PROKR2: variants seen among roughly 807,000 people sequenced by gnomAD.
The protein encoded by PROKR2 is prokineticin receptor 2.
Under a neutral mutation model 23.4 loss-of-function variants are expected in PROKR2, and 26 were observed. That is an observed-to-expected ratio of 1.11 (90% CI 0.81 to 1.54). The LOEUF (loss-of-function observed/expected upper bound fraction) is 1.54, where lower values mean the gene tolerates loss of function less well. Among genes scored for constraint, PROKR2 ranks in the 40% most tolerant of loss-of-function variants. The pLI is 0.00. For missense variants in PROKR2, 453 were observed against 511.5 expected, an observed-to-expected ratio of 0.89 and a Z score of 1.10; for synonymous variants, 212 against 201.2, an observed-to-expected ratio of 1.05 and a Z score of -0.45.
At chr20:5,313,761 A>T in intron 2 of PROKR2, 151 bp downstream of exon 2, 1 of 714,734 alleles carries the variant, frequency 1.4e-6, no homozygotes, top group Non-Finnish European at 2.4e-6. Flanking sequence ...CATCTGGGGG[A>T]ACAGAACTCA....
chr20:5,302,606 G>C lies in PROKR2; in HGVS notation c.589C>G (p.Leu197Val). 1 of 1,614,184 alleles carries C rather than the reference G, an allele frequency of 6.2e-7. No homozygotes were observed. Among genetic ancestry groups the C allele is most frequent in the South Asian group, 1.1e-5 (1 of 91,082 alleles). Reference protein sequence around the residue: ...PSAYFATETVLFIVKSQEKIF... With the variant: ...PSAYFATETVVFIVKSQEKIF... ...TTCTCCTGGCTCTTGACAATAAAGA[G>C]GACCGTTTCTGTTGCAAAGTAAGCC... Residue 197 changes from leucine to valine, a missense_variant, in exon 3 of 3, where the codon CTC (leucine) becomes GTC (valine). Coordinates refer to ENST00000678254, the MANE Select transcript of PROKR2 (RefSeq NM_144773.4).
At position 5,313,994 on chromosome 20, in the gene PROKR2, C is replaced by G. The variant is rs200048973; in HGVS notation, c.376G>C (p.Val126Leu). Residue 126 changes from valine (V) to leucine (L), a missense_variant, in exon 2 of 3, where the codon GTG becomes CTG. Transcript: ENST00000678254. ...AGGTAGTTGACGGAGGCACAGAGCA[C>G]GTGGCCATGCTCCCAGGAGAGCTGC... ...VRQLSWEHGH[V>L]LCASVNYLRT... is the part of the protein sequence containing the mutation. 1.2e-6 allele frequency: 2 copies of G among 1,614,194 alleles called. No individual in the cohort carries two copies. The highest frequency in any genetic ancestry group is 1.7e-6 in the Non-Finnish European group (2 of 1,180,034).
rs149231214 is a variant in PROKR2, at chr20:5,313,756, G to C, written c.458+156C>G. ...AGCAGCCCCAGTCTTGCTCACATCT[G>C]GGGGAACAGAACTCAACTGGAGAAA... is the stretch of plus-strand genomic sequence containing the variant. On this transcript the variant is annotated intron_variant, in intron 2 of 2. Transcript: ENST00000678254. Among the ~76,000 whole-genome samples, 25 of 152,352 alleles carry C rather than the reference G, an allele frequency of 1.6e-4. 1 individual carries two copies. In the East Asian group the frequency reaches 3.3e-3, roughly 20 times the overall value.
intron 2 of PROKR2, 46 bp downstream of exon 2, chr20:5,313,866 G>A: frequency 1.3e-6 from 2 of 1,512,710 alleles, no homozygotes; most frequent in South Asian, 1.1e-5. Context: ...TGAGGAAAGA[G>A]ACAGCCTGGC....
rs1978966216 is a variant in PROKR2, at chr20:5,301,091, G to A, written c.*949C>T. Among the ~76,000 whole-genome samples, 1 of 152,188 alleles carries A rather than the reference G, an allele frequency of 6.6e-6. No homozygotes were observed. The highest frequency in any genetic ancestry group is 2.1e-4 in the South Asian group (1 of 4,832). On this transcript the variant is annotated 3_prime_UTR_variant, in exon 3 of 3. Transcript: ENST00000678254. ...CCCTGGGAGGCAGTAGGAGGTGGGT[G>A]GGAAAGTTCAGTATGATGGCTGTAA...
In PROKR2 at chr20:5,302,429, G is replaced by A. The variant is rs1417178145; in HGVS notation, c.766C>T (p.Pro256Ser). 1 of 1,614,192 alleles carries A rather than the reference G, an allele frequency of 6.2e-7. No homozygotes were observed. Among genetic ancestry groups the A allele is most frequent in the Admixed American group, 1.7e-5 (1 of 60,028 alleles). ...CGAATCTGCTCCGTCTGGAACCCAG[G>A]GACTGCCTTGAACCAGAGCTCCCGG... ...ISRELWFKAV[P>S]GFQTEQIRKR... Residue 256 changes from proline to serine, a missense_variant, in exon 3 of 3, where the codon CCT becomes TCT. Transcript: ENST00000678254.
At position 5,302,152 on chromosome 20, in the gene PROKR2, A is replaced by G; in HGVS notation, c.1043T>C (p.Met348Thr). The G allele has an allele frequency of 2.5e-6, 4 of 1,614,236 alleles. No individual in the cohort carries two copies. In the South Asian group the frequency reaches 4.4e-5, roughly 18 times the overall value. Residue 348 changes from methionine (M) to threonine (T), a missense_variant, in exon 3 of 3, where the codon ATG becomes ACG. Transcript: ENST00000678254. ...CTGGGAGGGACGCCAGTGCAGCAGC[A>G]TCATCTTCTTGAAGTACTTCATGGT... is the stretch of plus-strand genomic sequence containing the variant. ...NNTMKYFKKMMLLHWRPSQRG... is the reference protein window; with the variant it reads ...NNTMKYFKKMTLLHWRPSQRG...
At position 5,302,246 on chromosome 20, in the gene PROKR2, C is replaced by A. The variant is rs778739474; in HGVS notation, c.949G>T (p.Val317Leu). The change falls in exon 3 of 3, where the codon GTG becomes TTG. Residue 317 changes from valine to leucine, a missense_variant. By Grantham distance (32) the Val-to-Leu change is conservative. Transcript: ENST00000678254. ...KEKHYLTAFY[V>L]VECIAMSNSM... ...TTGCTCATGGCGATGCACTCGACCACGTAGAAGGCAGTGAGGTAGTGCTTT... is the reference window on the plus strand; with the variant it reads ...TTGCTCATGGCGATGCACTCGACCAAGTAGAAGGCAGTGAGGTAGTGCTTT... 1 of 1,614,200 alleles carries A rather than the reference C, an allele frequency of 6.2e-7. No individual in the cohort carries two copies. Among genetic ancestry groups the A allele is most frequent in the Non-Finnish European group, 8.5e-7 (1 of 1,180,038 alleles).
rs965889897 is a variant in PROKR2, at chr20:5,316,827, C to G, written c.-342G>C. ...GCCAAGGGTGGATGCCCAGCTCCCC[C>G]ACCCCACCGCGTGCTCTCGGGCTGG... On this transcript the variant is annotated 5_prime_UTR_variant, in exon 1 of 3. Coordinates refer to ENST00000678254, the MANE Select transcript of PROKR2 (RefSeq NM_144773.4). This position sits in a 1 kb window ranked among gnomAD's most constrained non-coding sequence, Gnocchi z 5.0. 6.6e-6 allele frequency among the ~76,000 whole-genome samples: 1 copy of G among 152,246 alleles called. No homozygotes were observed. Among genetic ancestry groups the G allele is most frequent in the African/African-American group, 2.4e-5 (1 of 41,470 alleles).
chr20:5,302,520 G>C lies in PROKR2; in HGVS notation c.675C>G (p.Leu225=), dbSNP rs777259480. Residue 225 remains leucine, a synonymous_variant, in exon 3 of 3, where the codon CTC becomes CTG. Transcript: ENST00000678254. ...DQQLYYKSYF[L]FIFGVEFVGP... Reference sequence around the variant, plus strand: ...CCACGAACTCGACACCAAAGATGAAGAGGAAGTAGGACTTGTAGTAGAGCT... The same window carrying C: ...CCACGAACTCGACACCAAAGATGAACAGGAAGTAGGACTTGTAGTAGAGCT... 1.5e-5 allele frequency: 24 copies of C among 1,614,098 alleles called. No homozygotes were observed. The Admixed American group carries it at 4.0e-4, about 27-fold the overall frequency.
chr20:5,302,402 T>C lies in PROKR2; in HGVS notation c.793A>G (p.Lys265Glu). The change falls in exon 3 of 3, where the codon AAG (lysine) becomes GAG (glutamate). Residue 265 changes from lysine to glutamate, a missense_variant. Transcript: ENST00000678254. ...GTCTTCCTGCGGCAGCGCAGCCGCT[T>C]GCGAATCTGCTCCGTCTGGAACCCA... ...VPGFQTEQIR[K>E]RLRCRRKTVL... is the part of the protein sequence containing the mutation. 1 of 1,614,202 alleles carries C rather than the reference T, an allele frequency of 6.2e-7. No individual in the cohort carries two copies. The highest frequency in any genetic ancestry group is 8.5e-7 in the Non-Finnish European group (1 of 1,180,040).
At position 5,314,175 on chromosome 20, in the gene PROKR2, C is replaced by A. The variant is rs996888185; in HGVS notation, c.195G>T (p.Leu65=). 18 of 1,614,052 alleles carry A rather than the reference C, an allele frequency of 1.1e-5. No individual in the cohort carries two copies. The highest frequency in any genetic ancestry group is 1.5e-5 in the Non-Finnish European group (18 of 1,180,032). Residue 65 remains leucine (L), a synonymous_variant, in exon 2 of 3, where the codon CTG becomes CTT. Coordinates refer to ENST00000678254, the MANE Select transcript of PROKR2 (RefSeq NM_144773.4). ...AGACAAAGTTACCGATGCCGCAGAC[C>A]AGCATGATGCCTGCCAGTGCAATGC... ...VIGIALAGIM[L]VCGIGNFVFI... is the part of the protein sequence containing the mutation.
rs895764554 is a variant in PROKR2 at position 5,302,046 on chromosome 20, C to T, written c.1149G>A (p.Leu383=). The T allele has an allele frequency of 6.2e-7, 1 of 1,613,740 alleles. No individual in the cohort carries two copies. The highest frequency in any genetic ancestry group is 2.2e-5 in the East Asian group (1 of 44,872). The change falls in exon 3 of 3, where the codon CTG becomes CTA. Residue 383 remains leucine (L), a synonymous_variant. Transcript: ENST00000678254. The part of the protein sequence containing the change: ...PTTEEVDCIR[L]K ...ATTGTGTGACACCAGTGGGTCACTT[C>T]AGCCTGATACAGTCCACCTCTTCTG... is the stretch of plus-strand genomic sequence containing the variant.
In PROKR2 at chr20:5,301,960, A is replaced by C; in HGVS notation, c.*80T>G. ...GGCATGAACACAGATGTCATTTCCC[A>C]TGCAGCCTATGAACTTGGTTGATGG... On this transcript the variant is annotated 3_prime_UTR_variant, in exon 3 of 3. Coordinates refer to ENST00000678254, the MANE Select transcript of PROKR2 (RefSeq NM_144773.4). The C allele has an allele frequency of 7.6e-7, 1 of 1,315,626 alleles. No homozygotes were observed. The highest frequency in any genetic ancestry group is 1.8e-5 in the Admixed American group (1 of 54,312). 81.5% of individuals were successfully genotyped at this position (1,315,626 alleles called of 1,614,324 possible).
At chr20:5,310,497 A>C (rs13038965) in intron 2 of PROKR2, among the ~76,000 whole-genome samples, 77,255 of 151,612 alleles carry the variant, frequency 0.51, 19,967 homozygotes, top group African/African-American at 0.61. Flanking sequence ...AAATCAGCAT[A>C]ATTGGGGCAA....
At chr20:5,315,510 G>A (rs1011284483) in intron 1 of PROKR2, among the ~76,000 whole-genome samples, 2 of 152,166 alleles carry the variant, frequency 1.3e-5, no homozygotes, top group Non-Finnish European at 2.9e-5. Context: ...GCTGTGAGTG[G>A]CCTTCCCCTC....
At chr20:5,303,046 G>T (rs1236285264) in intron 2 of PROKR2, among the ~76,000 whole-genome samples, 1 of 152,176 alleles carries the variant, frequency 6.6e-6, no homozygotes, top group African/African-American at 2.4e-5. Flanking sequence ...GGAATAAGAT[G>T]ATACTTACTT....
rs1261616134 is a variant in PROKR2 at position 5,313,885 on chromosome 20, A to G, written c.458+27T>C. The stretch of plus-strand genomic sequence containing the variant: ...GAAAGAGACAGCCTGGCCCAGCCCC[A>G]CCACTCACCCCACCCACCATCCTCA... On this transcript the variant is annotated intron_variant, in intron 2 of 2. Transcript: ENST00000678254. 5 of 1,596,992 alleles carry G rather than the reference A, an allele frequency of 3.1e-6. No homozygotes were observed. The African/African-American group carries it at 5.4e-5, about 17-fold the overall frequency.
intron 2 of PROKR2, among the ~76,000 whole-genome samples, chr20:5,309,836 C>T (rs1486610572): frequency 5.3e-5 from 8 of 152,242 alleles, no homozygotes; most frequent in African/African-American, 1.9e-4. Context: ...CCACATTTCT[C>T]CTTATTCTGT....
Sources: gnomAD v4.1 joint callset for allele counts (sites outside exome capture counted in the v4.1 genomes callset) on GRCh38, gnomAD v4.1.1 for gene constraint, Gnocchi (gnomAD v3.1) non-coding constraint, MANE v1.5 for transcripts, NCBI Gene and HGNC (gene_info 2026-07-23, HGNC 2026-07-21) for gene names.